SIRPA: variants seen among roughly 807,000 people sequenced by gnomAD.
SIRPA encodes tyrosine-protein phosphatase non-receptor type substrate 1.
Under a neutral mutation model 50.3 loss-of-function variants are expected in SIRPA, and 9 were observed. The ratio of observed to expected loss-of-function variants is 0.18; its 90% CI spans 0.11 to 0.31. SIRPA has a LOEUF of 0.31. Among genes scored for constraint, SIRPA ranks in the 10% least tolerant of loss-of-function variants. The probability of loss-of-function intolerance (pLI) is 1.00; values close to 1 mark genes in which losing one functional copy is unlikely to be tolerated. For synonymous variants in SIRPA, 265 were observed against 284.1 expected, an observed-to-expected ratio of 0.93 and a Z score of 0.68; for missense variants, 474 against 661.6, an observed-to-expected ratio of 0.72 and a Z score of 3.11.
intron 2 of SIRPA, among the ~76,000 whole-genome samples, chr20:1,917,488 C>G (rs961432414): frequency 6.6e-6 from 1 of 152,206 alleles, no homozygotes; most frequent in East Asian, 1.9e-4. Context: ...TACAGTGAGC[C>G]GAGATCGCAC....
intron 1 of SIRPA, among the ~76,000 whole-genome samples, chr20:1,907,764 A>G (rs1357052062): frequency 2.6e-5 from 4 of 152,264 alleles, no homozygotes; most frequent in African/African-American, 9.6e-5. Context: ...TATCTAGGAC[A>G]GGGCCTGGCA....
rs199970262 is a variant in SIRPA at position 1,927,905 on chromosome 20, T to C, written c.1226+6T>C. The stretch of plus-strand genomic sequence containing the variant: ...GGCTCCACTTCTTCTACAAGGTAAG[T>C]GCATCATTGGTCCAGACCCTCTTGC... On this transcript the variant is annotated splice_donor_region_variant and intron_variant, in intron 6 of 7. Transcript: ENST00000358771. The surrounding 1 kb of genome is among the most constrained non-coding windows in gnomAD (Gnocchi z 6.5). 12 of 1,613,288 alleles carry C rather than the reference T, an allele frequency of 7.4e-6. No homozygotes were observed. In the East Asian group the frequency reaches 2.5e-4, roughly 33 times the overall value.
intron 2 of SIRPA, 133 bp downstream of exon 2, chr20:1,915,588 C>A: frequency 8.8e-7 from 1 of 1,134,486 alleles, no homozygotes; most frequent in Non-Finnish European, 1.3e-6. Flanking sequence ...CCCCCTTTTA[C>A]AAATAAGGGA....
chr20:1,927,931 A>C lies in SIRPA; in HGVS notation c.1226+32A>C. ...GCATCATTGGTCCAGACCCTCTTGCAGTTATTATTTGGTTATTTGACAGCC... is the reference window on the plus strand; with the variant it reads ...GCATCATTGGTCCAGACCCTCTTGCCGTTATTATTTGGTTATTTGACAGCC... On this transcript the variant is annotated intron_variant, in intron 6 of 7. Coordinates refer to ENST00000358771, the MANE Select transcript of SIRPA (RefSeq NM_001040023.2). This position sits in a 1 kb window ranked among gnomAD's most constrained non-coding sequence, Gnocchi z 6.5. 1.2e-6 allele frequency: 2 copies of C among 1,603,472 alleles called. No homozygotes were observed. Among genetic ancestry groups the C allele is most frequent in the Non-Finnish European group, 1.7e-6 (2 of 1,170,344 alleles).
chr20:1,918,933 A>G (rs1985477868), intron 2 of SIRPA, among the ~76,000 whole-genome samples: 1 of 152,202 alleles, frequency 6.6e-6, no homozygotes, highest in South Asian at 2.1e-4. Flanking sequence ...GTGACCTGGG[A>G]CAAGGCACTC....
rs1986396792 is a variant in SIRPA, at chr20:1,933,398, G to GCCA, written c.1227-1314_1227-1312dup. ...AAGCATGAAGTACATAACATCAAAT[G>GCCA]CCACCCCCCCCCCGAAATATCTGGT... On this transcript the variant is annotated intron_variant, in intron 6 of 7. Coordinates refer to ENST00000358771, the MANE Select transcript of SIRPA (RefSeq NM_001040023.2). The surrounding 1 kb of genome is among the most constrained non-coding windows in gnomAD (Gnocchi z 4.4). 8.4e-6 allele frequency among the ~76,000 whole-genome samples: 1 copy of GCCA among 119,124 alleles called. No individual in the cohort carries two copies. The highest frequency in any genetic ancestry group is 1.8e-5 in the Non-Finnish European group (1 of 56,606). The allele number at this position is 119,124 out of a possible 152,430, so 78.1% of individuals were successfully genotyped here.
chr20:1,902,661 GAGA>G (rs1226844931), intron 1 of SIRPA, among the ~76,000 whole-genome samples: 3 of 152,134 alleles, frequency 2.0e-5, no homozygotes, highest in Non-Finnish European at 2.9e-5. Context: ...GGAGGGAAGG[GAGA>G]AGGTTAGTCA....
Position 1,921,601 on chromosome 20 carries a change from G to A in SIRPA, c.643G>A (p.Val215Met), listed in dbSNP as rs2123148778. Reference sequence around the variant, plus strand: ...CTACAGCATCCACAGCACAGCCAAGGTGGTGCTGACCCGCGAGGACGTTCA... The same window carrying A: ...CTACAGCATCCACAGCACAGCCAAGATGGTGCTGACCCGCGAGGACGTTCA... ...VSYSIHSTAKVVLTREDVHSQ... is the reference protein window; with the variant it reads ...VSYSIHSTAKMVLTREDVHSQ... The change falls in exon 3 of 8, where the codon GTG becomes ATG. Residue 215 changes from valine to methionine, a missense_variant. This residue lies in a region of SIRPA where 221 missense variants were observed against 359.9 expected (regional missense o/e 0.61). Coordinates refer to ENST00000358771, the MANE Select transcript of SIRPA (RefSeq NM_001040023.2). 6.2e-7 allele frequency: 1 copy of A among 1,614,214 alleles called. No individual in the cohort carries two copies.
In SIRPA at chr20:1,924,343, C is replaced by G. The variant is rs1415787376; in HGVS notation, c.1088-421C>G. Among the ~76,000 whole-genome samples, 3 of 152,200 alleles carry G rather than the reference C, an allele frequency of 2.0e-5. No individual in the cohort carries two copies. Among genetic ancestry groups the G allele is most frequent in the African/African-American group, 7.2e-5 (3 of 41,442 alleles). ...TGCTGGGCACAGACCGGTCGTCAGC[C>G]CCTGAGCTGTGCAGAGCCTGCTGGC... On this transcript the variant is annotated intron_variant, in intron 4 of 7. Transcript: ENST00000358771. The surrounding 1 kb of genome is among the most constrained non-coding windows in gnomAD (Gnocchi z 4.5).
chr20:1,926,338 C>T (rs1249841263), intron 5 of SIRPA, among the ~76,000 whole-genome samples: 1 of 152,278 alleles, frequency 6.6e-6, no homozygotes, highest in African/African-American at 2.4e-5. Context: ...GGTGACAGCC[C>T]ATCCCATGGG....
At chr20:1,896,450 G>C (rs562469585) in intron 1 of SIRPA, among the ~76,000 whole-genome samples, 1 of 137,886 alleles carries the variant, frequency 7.3e-6, no homozygotes, top group East Asian at 2.6e-4. Context: ...AGGGCACCGG[G>C]TGGGGGGCGG....
At chr20:1,911,983 A>G (rs927130399) in intron 1 of SIRPA, among the ~76,000 whole-genome samples, 2 of 152,120 alleles carry the variant, frequency 1.3e-5, no homozygotes, top group African/African-American at 4.8e-5. Context: ...TGGAAAAAAC[A>G]TACACATACA....
chr20:1,936,631 G>A lies in SIRPA; in HGVS notation c.1267-689G>A, dbSNP rs952652126. Among the ~76,000 whole-genome samples the A allele has an allele frequency of 1.6e-4, 25 of 152,176 alleles. No individual in the cohort carries two copies. Among genetic ancestry groups the A allele is most frequent in the African/African-American group, 4.3e-4 (18 of 41,434 alleles). The stretch of plus-strand genomic sequence containing the variant: ...TGCCCTGAGTGAAGGTGAAATTATT[G>A]CCATCCACTCATATATTCATTCAAT... On this transcript the variant is annotated intron_variant, in intron 7 of 7. Transcript: ENST00000358771. The surrounding 1 kb of genome is among the most constrained non-coding windows in gnomAD (Gnocchi z 4.2).
At chr20:1,916,981 A>G (rs1985342721) in intron 2 of SIRPA, among the ~76,000 whole-genome samples, 1 of 152,208 alleles carries the variant, frequency 6.6e-6, no homozygotes, top group South Asian at 2.1e-4. Flanking sequence ...TGCAGATGTT[A>G]CAGGAAAAGA....
chr20:1,930,416 G>T (rs1429249999), intron 6 of SIRPA, among the ~76,000 whole-genome samples: 1 of 152,162 alleles, frequency 6.6e-6, no homozygotes, highest in African/African-American at 2.4e-5. Flanking sequence ...CTTAGTAAAG[G>T]TTTACTGACT....
Position 1,922,539 on chromosome 20 carries a change from G to A in SIRPA, c.981G>A (p.Val327=). 6.2e-7 allele frequency: 1 copy of A among 1,614,220 alleles called. No homozygotes were observed. The change falls in exon 4 of 8, where the codon GTG becomes GTA. Residue 327 remains valine (V), a synonymous_variant. Coordinates refer to ENST00000358771, the MANE Select transcript of SIRPA (RefSeq NM_001040023.2). ...ATGTATCTGCCCACAGGGATGATGT[G>A]AAGCTCACCTGCCAGGTGGAGCATG... ...LVNVSAHRDD[V]KLTCQVEHDG...
chr20:1,926,182 G>C (rs1217904987), intron 5 of SIRPA, among the ~76,000 whole-genome samples: 1 of 152,226 alleles, frequency 6.6e-6, no homozygotes, highest in East Asian at 1.9e-4. Flanking sequence ...TTCTGTCTGG[G>C]AGGGTTGGAG....
chr20:1,935,855 G>A lies in SIRPA; in HGVS notation c.1266+1101G>A, dbSNP rs568710113. On this transcript the variant is annotated intron_variant, in intron 7 of 7. Transcript: ENST00000358771. Reference sequence around the variant, plus strand: ...GCCCTGGCCAGGGAGGGAGTTGCACGCTGTCAACACGGATTTCCCAGACAG... The same window carrying A: ...GCCCTGGCCAGGGAGGGAGTTGCACACTGTCAACACGGATTTCCCAGACAG... 5.9e-5 allele frequency among the ~76,000 whole-genome samples: 9 copies of A among 152,284 alleles called. No individual in the cohort carries two copies. In the South Asian group the frequency reaches 1.5e-3, roughly 25 times the overall value.
chr20:1,926,542 A>G (rs1049131645), intron 5 of SIRPA, among the ~76,000 whole-genome samples: 10 of 152,342 alleles, frequency 6.6e-5, no homozygotes, highest in Admixed American at 5.9e-4. Flanking sequence ...TGCAGAGCCT[A>G]GCTCTCAAAC....
Sources: gnomAD v4.1 joint callset for allele counts (sites outside exome capture counted in the v4.1 genomes callset) on GRCh38, gnomAD v4.1.1 for gene constraint, gnomAD v4.1.1 regional missense constraint, Gnocchi (gnomAD v3.1) non-coding constraint, MANE v1.5 for transcripts, NCBI Gene and HGNC (gene_info 2026-07-23, HGNC 2026-07-21) for gene names.